Variants in L3MBTL2 observed in about 807,000 individuals in gnomAD.
L3MBTL2 encodes the protein lethal(3)malignant brain tumor-like protein 2.
In L3MBTL2, 49 loss-of-function variants were observed where a neutral mutation model predicts 86.4. The observed-to-expected ratio is 0.57, with a 90% CI of 0.45 to 0.72. The LOEUF (loss-of-function observed/expected upper bound fraction) is 0.72, where lower values mean the gene tolerates loss of function less well. Ranked by LOEUF, L3MBTL2 falls within the 30% of genes least tolerant of loss-of-function variation. The pLI is 0.00. For synonymous variants in L3MBTL2, 336 were observed against 350.6 expected, an observed-to-expected ratio of 0.96 and a Z score of 0.47; for missense variants, 755 against 923.7, an observed-to-expected ratio of 0.82 and a Z score of 2.37.
At position 41,231,199 on chromosome 22, in the gene L3MBTL2, T is replaced by C. The variant is rs944873149; in HGVS notation, c.*948T>C. 6.6e-6 allele frequency: 1 copy of C among 152,122 alleles called. No homozygotes were observed. Among genetic ancestry groups the C allele is most frequent in the African/African-American group, 2.4e-5 (1 of 41,424 alleles). The allele number at this position is 152,122 out of a possible 1,614,324, so 9.4% of individuals were successfully genotyped here. On this transcript the variant is annotated 3_prime_UTR_variant, in exon 17 of 17. Transcript: ENST00000216237. Reference sequence around the variant, plus strand: ...AAGGATGACAGAGCTGGAGGACACATCTAGCTGCCATTGCAACCTCACTGG... The same window carrying C: ...AAGGATGACAGAGCTGGAGGACACACCTAGCTGCCATTGCAACCTCACTGG...
In L3MBTL2 at chr22:41,217,278, C is replaced by T. The variant is rs530423760; in HGVS notation, c.600+76C>T. Reference sequence around the variant, plus strand: ...TGCTCCTCCACCTGCTTCACCAGGGCGGCTTCAGGCTGGACAGTGACAGTG... The same window carrying T: ...TGCTCCTCCACCTGCTTCACCAGGGTGGCTTCAGGCTGGACAGTGACAGTG... On this transcript the variant is annotated intron_variant, in intron 5 of 16. Transcript: ENST00000216237. The T allele has an allele frequency of 1.2e-5, 14 of 1,157,994 alleles. No homozygotes were observed. The East Asian group carries it at 1.9e-4, about 16-fold the overall frequency. 71.7% of individuals were successfully genotyped at this position (1,157,994 alleles called of 1,614,324 possible).
At chr22:41,219,350 G>A (rs1043740632) in intron 5 of L3MBTL2, 69 bp from the exon 6 acceptor site, 24 of 1,170,278 alleles carry the variant, frequency 2.1e-5, no homozygotes, top group African/African-American at 4.5e-5. Flanking sequence ...GACTGAGGCC[G>A]TGAGGCAGTC....
chr22:41,223,322 G>T (rs1356124224), intron 8 of L3MBTL2, among the ~76,000 whole-genome samples: 1 of 152,142 alleles, frequency 6.6e-6, no homozygotes, highest in Non-Finnish European at 1.5e-5. Context: ...CCTGTTCCCT[G>T]CCCCAGGCAG....
chr22:41,210,813 G>T (rs1054904875), intron 2 of L3MBTL2, among the ~76,000 whole-genome samples: 1 of 152,176 alleles, frequency 6.6e-6, no homozygotes, highest in African/African-American at 2.4e-5. Context: ...TATAACTAAT[G>T]TGTATTCAGC....
rs1288890686 is a variant in L3MBTL2 at position 41,224,880 on chromosome 22, G to A, written c.1251+79G>A. ...CTGAGGGACCTGGCTCTTCCCCTGG[G>A]ACCATCCCTTTCCCTCCTGAGGCCT... On this transcript the variant is annotated intron_variant, in intron 10 of 16. Transcript: ENST00000216237. This position sits in a 1 kb window ranked among gnomAD's most constrained non-coding sequence, Gnocchi z 4.9. 1.9e-6 allele frequency: 3 copies of A among 1,560,744 alleles called. No individual in the cohort carries two copies.
Position 41,220,797 on chromosome 22 carries a change from A to T in L3MBTL2, c.782A>T (p.Asn261Ile). 1 of 1,613,974 alleles carries T rather than the reference A, an allele frequency of 6.2e-7. No individual in the cohort carries two copies. Among genetic ancestry groups the T allele is most frequent in the Non-Finnish European group, 8.5e-7 (1 of 1,179,968 alleles). ...ENDASHDFWC[N>I]LGTVDVHPIG... ...GACGCCAGCCATGACTTCTGGTGCA[A>T]CCTGGGAACAGTGGATGTCCACCCC... Residue 261 changes from asparagine to isoleucine, a missense_variant, in exon 7 of 17, where the codon AAC (asparagine) becomes ATC (isoleucine). By Grantham distance (149) the Asn-to-Ile change is moderately radical (BLOSUM62 -3). Transcript: ENST00000216237.
Position 41,221,194 on chromosome 22 carries a change from C to T in L3MBTL2, c.854-5C>T. ...GTAACCAGGATTCTGCTGGTGCCTCCACAGCCATCCATGCCAAGTTCACCG... is the reference window on the plus strand; with the variant it reads ...GTAACCAGGATTCTGCTGGTGCCTCTACAGCCATCCATGCCAAGTTCACCG... On this transcript the variant is annotated splice_polypyrimidine_tract_variant and splice_region_variant and intron_variant, in intron 7 of 16. Transcript: ENST00000216237. 2.6e-6 allele frequency: 4 copies of T among 1,546,112 alleles called. No homozygotes were observed. Among genetic ancestry groups the T allele is most frequent in the Non-Finnish European group, 1.8e-6 (2 of 1,142,488 alleles).
intron 4 of L3MBTL2, 84 bp downstream of exon 4, chr22:41,216,346 GACTGGGCAA>G: frequency 2.6e-6 from 4 of 1,537,202 alleles, no homozygotes; most frequent in Non-Finnish European, 3.5e-6. Context: ...TAGGAATGAA[GACTGGGCAA>G]ACCGGCCAGG....
At chr22:41,211,001 A>G (rs1370342750) in intron 2 of L3MBTL2, among the ~76,000 whole-genome samples, 2 of 152,062 alleles carry the variant, frequency 1.3e-5, no homozygotes, top group East Asian at 1.9e-4. Context: ...TACACGATAA[A>G]GTGACCCTGG....
At position 41,228,174 on chromosome 22, in the gene L3MBTL2, GA is replaced by G. The variant is rs1165726637; in HGVS notation, c.1888+312del. ...TCCCATCCCTGATGCCCCATGTTCA[GA>G]AAAAAACAGCCTGGCCTGGGCAAGC... On this transcript the variant is annotated intron_variant, in intron 15 of 16. Transcript: ENST00000216237. The G allele has an allele frequency of 3.0e-6, 3 of 985,288 alleles. No individual in the cohort carries two copies. In the African/African-American group the frequency reaches 5.2e-5, roughly 17 times the overall value. The allele number at this position is 985,288 out of a possible 1,614,324, so 61.0% of individuals were successfully genotyped here.
chr22:41,214,124 C>T, intron 3 of L3MBTL2, 98 bp downstream of exon 3: 1 of 1,272,564 alleles, frequency 7.9e-7, no homozygotes, highest in Non-Finnish European at 1.1e-6. Flanking sequence ...TTGAAAAGGT[C>T]CTTGCTTGTG....
chr22:41,215,530 C>G (rs567565999), intron 3 of L3MBTL2, among the ~76,000 whole-genome samples: 1 of 152,342 alleles, frequency 6.6e-6, no homozygotes, highest in African/African-American at 2.4e-5. Context: ...CCTTCCTGTT[C>G]AGTACTTAAG....
In L3MBTL2 at chr22:41,230,642, C is replaced by G. The variant is rs722518; in HGVS notation, c.*391C>G. ...ACTGTGGAATACAAGACAGTGAACT[C>G]TGTCTGCCTGAACGAGCCATGTAAA... On this transcript the variant is annotated 3_prime_UTR_variant, in exon 17 of 17. Coordinates refer to ENST00000216237, the MANE Select transcript of L3MBTL2 (RefSeq NM_031488.5). 95 of 210,494 alleles carry G rather than the reference C, an allele frequency of 4.5e-4. No individual in the cohort carries two copies. Among genetic ancestry groups the G allele is most frequent in the African/African-American group, 2.1e-3 (91 of 42,904 alleles). 13.0% of individuals were successfully genotyped at this position (210,494 alleles called of 1,614,324 possible). A position where few individuals can be genotyped will look rare whatever the true frequency, so the allele number is the denominator to read the frequency against.
chr22:41,210,328 T>TTTTG (rs772349696), intron 2 of L3MBTL2, among the ~76,000 whole-genome samples: 9 of 151,990 alleles, frequency 5.9e-5, no homozygotes, highest in East Asian at 5.8e-4. Context: ...TTTTGTATTT[T>TTTTG]TTTGTTTGTT....
Position 41,205,406 on chromosome 22 carries a change from G to C in L3MBTL2, c.24+20G>C, listed in dbSNP as rs1433241850. The C allele has an allele frequency of 1.9e-6, 3 of 1,614,032 alleles. No individual in the cohort carries two copies. In the East Asian group the frequency reaches 6.7e-5, roughly 36 times the overall value. On this transcript the variant is annotated intron_variant, in intron 1 of 16. Coordinates refer to ENST00000216237, the MANE Select transcript of L3MBTL2 (RefSeq NM_031488.5). ...ATTGAGGTGAGAAGGCGAGGACTTA[G>C]CGTGACTGGGAAAGGGAACTCCGAG...
chr22:41,228,137 G>T (rs1288328335), intron 15 of L3MBTL2: 1 of 985,348 alleles, frequency 1.0e-6, no homozygotes, highest in Non-Finnish European at 1.2e-6. Context: ...GTAAGAGATT[G>T]AGGTTGGGGG....
chr22:41,212,607 A>G (rs1243483290), intron 2 of L3MBTL2, among the ~76,000 whole-genome samples: 2 of 152,034 alleles, frequency 1.3e-5, no homozygotes, highest in African/African-American at 4.8e-5. Context: ...CTAATAGTGA[A>G]GTCACGGGCC....
intron 13 of L3MBTL2, 44 bp downstream of exon 13, chr22:41,226,788 G>A (rs2032214337): frequency 2.2e-6 from 3 of 1,371,082 alleles, no homozygotes; most frequent in African/African-American, 2.9e-5. Flanking sequence ...GTGGCCTCAG[G>A]ACAGGCCCTG....
intron 2 of L3MBTL2, among the ~76,000 whole-genome samples, chr22:41,212,909 A>G (rs1601499601): frequency 7.0e-6 from 1 of 143,582 alleles, no homozygotes; most frequent in South Asian, 2.2e-4. Flanking sequence ...AAAAAAAAAA[A>G]GTGAAGTCAC....
Sources: gnomAD v4.1 joint callset for allele counts (sites outside exome capture counted in the v4.1 genomes callset) on GRCh38, gnomAD v4.1.1 for gene constraint, Gnocchi (gnomAD v3.1) non-coding constraint, MANE v1.5 for transcripts, NCBI Gene and HGNC (gene_info 2026-07-23, HGNC 2026-07-21) for gene names.